ERG: variants seen among roughly 807,000 people sequenced by gnomAD.
ERG encodes ETS transcription factor ERG, also known as transcriptional regulator ERG.
Under a neutral mutation model 55.3 loss-of-function variants are expected in ERG, and 9 were observed. The observed-to-expected ratio is 0.16, with a 90% confidence interval of 0.10 to 0.28. The LOEUF (loss-of-function observed/expected upper bound fraction) is 0.28, where lower values mean the gene tolerates loss of function less well. ERG is among the 10% of genes least tolerant of loss of function. ERG has a pLI of 1.00. For missense variants in ERG, 434 were observed against 631.6 expected, an observed-to-expected ratio of 0.69 and a Z score of 3.35; for synonymous variants, 223 against 237.3, an observed-to-expected ratio of 0.94 and a Z score of 0.55.
chr21:38,602,038 C>A (rs117131937), intron 1 of ERG, among the ~76,000 whole-genome samples: 2 of 152,218 alleles, frequency 1.3e-5, no homozygotes, highest in African/African-American at 4.8e-5. Flanking sequence ...CTTCTGTTGT[C>A]TTCCTGAGTG....
At chr21:38,516,982 C>T (rs541028207) in intron 2 of ERG, among the ~76,000 whole-genome samples, 2 of 152,048 alleles carry the variant, frequency 1.3e-5, no homozygotes, top group Non-Finnish European at 2.9e-5. Context: ...AGATGAAAGA[C>T]TTAAACTTAA....
chr21:38,603,364 T>C (rs1437760732), intron 1 of ERG, among the ~76,000 whole-genome samples: 1 of 152,070 alleles, frequency 6.6e-6, no homozygotes, highest in Non-Finnish European at 1.5e-5. Flanking sequence ...CTCACGCCTG[T>C]AATCCCAGCA....
At chr21:38,614,738 G>A (rs931463245) in intron 1 of ERG, among the ~76,000 whole-genome samples, 4 of 152,238 alleles carry the variant, frequency 2.6e-5, no homozygotes, top group African/African-American at 7.2e-5. Context: ...ATGTGGGGAG[G>A]AAGGCCAATT....
the ERG span, among the ~76,000 whole-genome samples, chr21:38,369,619 G>A: frequency 6.6e-6 from 1 of 151,762 alleles, no homozygotes; most frequent in South Asian, 2.1e-4. Flanking sequence ...GCAGAAGCTT[G>A]TTAATTAGAT....
intron 1 of ERG, among the ~76,000 whole-genome samples, chr21:38,600,662 T>C (rs914438201): frequency 2.6e-5 from 4 of 152,176 alleles, no homozygotes; most frequent in Non-Finnish European, 4.4e-5. Flanking sequence ...ATTTGACCAA[T>C]AGCTGCAAAA....
intron 9 of ERG, among the ~76,000 whole-genome samples, chr21:38,390,487 T>TG (rs765118942): frequency 5.1e-4 from 77 of 152,328 alleles, no homozygotes; most frequent in Admixed American, 9.8e-4. Context: ...AGTAAGGTTA[T>TG]GGGGTAGGTA....
chr21:38,431,230 T>G (rs1416215409), intron 2 of ERG, among the ~76,000 whole-genome samples: 1 of 152,180 alleles, frequency 6.6e-6, no homozygotes, highest in Admixed American at 6.5e-5. Flanking sequence ...CTAAGCCCAG[T>G]TGGGTTCTCA....
chr21:38,441,091 T>G (rs927202275), intron 2 of ERG, among the ~76,000 whole-genome samples: 1 of 152,198 alleles, frequency 6.6e-6, no homozygotes, highest in African/African-American at 2.4e-5. Context: ...CGCTGTCCAG[T>G]CAGGCTGAGC....
chr21:38,413,097 C>T (rs1279645841), intron 3 of ERG, among the ~76,000 whole-genome samples: 2 of 152,262 alleles, frequency 1.3e-5, no homozygotes, highest in African/African-American at 4.8e-5. Context: ...TCATTCCTTG[C>T]CCCTAGTTGA....
intron 2 of ERG, among the ~76,000 whole-genome samples, chr21:38,436,604 T>C (rs2058792496): frequency 1.3e-5 from 2 of 152,224 alleles, no homozygotes. Flanking sequence ...TCAGTGGTCA[T>C]CCGTAAATGT....
chr21:38,416,306 G>A (rs182418230), intron 3 of ERG, among the ~76,000 whole-genome samples: 7 of 152,364 alleles, frequency 4.6e-5, no homozygotes, highest in Admixed American at 1.3e-4. Context: ...CGATGGTCAG[G>A]TCTATGGCCC....
chr21:38,578,592 A>G (rs573850622), intron 1 of ERG, among the ~76,000 whole-genome samples: 29 of 152,152 alleles, frequency 1.9e-4, no homozygotes, highest in Non-Finnish European at 3.8e-4. Flanking sequence ...TTCCACCAGC[A>G]TGGGAACATG....
At chr21:38,466,299 G>GT (rs1473743537) in intron 1 of ERG, among the ~76,000 whole-genome samples, 1 of 125,800 alleles carries the variant, frequency 7.9e-6, no homozygotes, top group Non-Finnish European at 1.7e-5. Flanking sequence ...TGATGGTCTG[G>GT]GGTGTGTGTG....
intron 2 of ERG, 132 bp downstream of exon 2, chr21:38,445,271 AG>A: frequency 4.4e-6 from 3 of 685,554 alleles, no homozygotes; most frequent in Non-Finnish European, 5.1e-6. Flanking sequence ...GCTCCCGAGT[AG>A]CTGGGATTAC....
At chr21:38,537,653 C>T (rs1219332739) in intron 2 of ERG, among the ~76,000 whole-genome samples, 1 of 151,898 alleles carries the variant, frequency 6.6e-6, no homozygotes, top group African/African-American at 2.4e-5. Context: ...ATGACTATTA[C>T]CAAAAAATCA....
At chr21:38,455,934 G>T (rs1482724610) in intron 1 of ERG, among the ~76,000 whole-genome samples, 1 of 151,122 alleles carries the variant, frequency 6.6e-6, no homozygotes, top group Non-Finnish European at 1.5e-5. Context: ...GATGCAGGAT[G>T]GGCACTTTAA....
chr21:38,548,620 T>G (rs1252615650), intron 2 of ERG, among the ~76,000 whole-genome samples: 1 of 141,702 alleles, frequency 7.1e-6, no homozygotes, highest in African/African-American at 2.6e-5. Context: ...GCTAATTTTT[T>G]TTTTTTTTTT....
chr21:38,496,871 A>G (rs1228920157), intron 1 of ERG, among the ~76,000 whole-genome samples: 2 of 152,364 alleles, frequency 1.3e-5, no homozygotes, highest in East Asian at 3.9e-4. Context: ...AAAACCACAT[A>G]AGATCGTACC....
chr21:38,404,536 T>G (rs1988669354), intron 3 of ERG, among the ~76,000 whole-genome samples: 1 of 152,166 alleles, frequency 6.6e-6, no homozygotes, highest in Non-Finnish European at 1.5e-5. Context: ...GTAAACACCC[T>G]CAGTGGTAGG....
Sources: gnomAD v4.1 joint callset for allele counts (sites outside exome capture counted in the v4.1 genomes callset) on GRCh38, gnomAD v4.1.1 for gene constraint, MANE v1.5 for transcripts, NCBI Gene and HGNC (gene_info 2026-07-23, HGNC 2026-07-21) for gene names.